USHBP1: variants seen among roughly 807,000 people sequenced by gnomAD.
USHBP1 encodes the protein harmonin-binding protein USHBP1.
In USHBP1, 67 loss-of-function variants were observed where a neutral mutation model predicts 76.2. The observed-to-expected ratio is 0.88, with a 90% CI of 0.72 to 1.08. The LOEUF (loss-of-function observed/expected upper bound fraction) is 1.08, where lower values mean the gene tolerates loss of function less well. Ranked by LOEUF, USHBP1 falls within the 50% of genes least tolerant of loss-of-function variation. The pLI is 0.00. For missense variants in USHBP1, 931 were observed against 915.0 expected (o/e 1.02, Z -0.23); for synonymous variants, 322 against 362.2 (o/e 0.89, Z 1.26).
intron 4 of USHBP1, among the ~76,000 whole-genome samples, chr19:17,260,455 G>A (rs7245888): frequency 0.24 from 36,518 of 152,002 alleles, 5,670 homozygotes; most frequent in African/African-American, 0.43. Flanking sequence ...TCAGCCTCCC[G>A]AGTAGCTGGG....
chr19:17,259,249 C>T (rs141655360), intron 7 of USHBP1, 40 bp downstream of exon 7: 15 of 1,561,900 alleles, frequency 9.6e-6, no homozygotes, highest in East Asian at 2.3e-5. Context: ...AAAGCCCACT[C>T]CCTCCCCAGC....
chr19:17,262,762 A>C lies in USHBP1; in HGVS notation c.432T>G (p.Ser144=). 1 of 1,614,226 alleles carries C rather than the reference A, an allele frequency of 6.2e-7. No homozygotes were observed. The highest frequency in any genetic ancestry group is 1.3e-5 in the African/African-American group (1 of 75,062). The change falls in exon 4 of 13, where the codon TCT becomes TCG. Residue 144 remains serine (S), a synonymous_variant. Transcript: ENST00000252597. ...AAWRHQPPSH[S]GPMEFEGTSE... is the part of the protein sequence containing the mutation. Reference sequence around the variant, plus strand: ...TTGTGCCTTCGAACTCCATCGGCCCAGAATGGCTGGGGGGCTGGTGGCGCC... The same window carrying C: ...TTGTGCCTTCGAACTCCATCGGCCCCGAATGGCTGGGGGGCTGGTGGCGCC...
chr19:17,259,646 G>A lies in USHBP1; in HGVS notation c.855C>T (p.Pro285=). The change falls in exon 6 of 13, where the codon CCC becomes CCT. Residue 285 remains proline, a synonymous_variant. Transcript: ENST00000252597. ...TQILGSLPNQ[P]LSPEMHIMEA... is the part of the protein sequence containing the mutation. ...CCATGATGTGCATCTCAGGACTGAG[G>A]GGCTGGTTGGGAAGAGACCCAAGGA... The A allele has an allele frequency of 1.2e-6, 2 of 1,614,024 alleles. No homozygotes were observed. The highest frequency in any genetic ancestry group is 8.5e-7 in the Non-Finnish European group (1 of 1,179,980).
chr19:17,255,400 C>T lies in USHBP1; in HGVS notation c.1677G>A (p.Glu559=). 6.2e-7 allele frequency: 1 copy of T among 1,613,966 alleles called. No individual in the cohort carries two copies. Among genetic ancestry groups the T allele is most frequent in the Non-Finnish European group, 8.5e-7 (1 of 1,179,874 alleles). Residue 559 remains glutamate (E), a synonymous_variant, in exon 10 of 13, where the codon GAG becomes GAA. Coordinates refer to ENST00000252597, the MANE Select transcript of USHBP1 (RefSeq NM_031941.4). ...GGCAGCTCACCTGATACCACTCTTC[C>T]TCGTCCCCGCTGCTGCCACCTCCGC... The part of the protein sequence containing the change: ...HSSGGGSSGD[E]EEWYQGLPAV...
intron 12 of USHBP1, among the ~76,000 whole-genome samples, chr19:17,251,027 A>G (rs2073544088): frequency 6.7e-6 from 1 of 150,132 alleles, no homozygotes; most frequent in Non-Finnish European, 1.5e-5. Flanking sequence ...CGCCTGGCTA[A>G]TTTTGTATTT....
At chr19:17,264,392 A>T (rs763244055) in intron 1 of USHBP1, 45 bp from the exon 2 acceptor site, 64 of 1,388,602 alleles carry the variant, frequency 4.6e-5, no homozygotes, top group Non-Finnish European at 6.1e-5. Flanking sequence ...GTTGTCCTGG[A>T]CAAAGGACAA....
In USHBP1 at chr19:17,259,598, C is replaced by T; in HGVS notation, c.903G>A (p.Arg301=). The part of the protein sequence containing the change: ...HIMEAQMEQL[R]GSIEKLKCFN... ...AGCTCAGCATTTGAGTCTCTTACCC[C>T]CGGAGTTGCTCCATCTGGGCTTCCA... The change falls in exon 6 of 13, where the codon CGG becomes CGA. Residue 301 remains arginine, a splice_region_variant and synonymous_variant. Transcript: ENST00000252597. 1 of 1,609,448 alleles carries T rather than the reference C, an allele frequency of 6.2e-7. No homozygotes were observed. The highest frequency in any genetic ancestry group is 2.2e-5 in the East Asian group (1 of 44,850).
chr19:17,261,482 C>T lies in USHBP1; in HGVS notation c.642+1070G>A, dbSNP rs566423616. 1.1e-4 allele frequency among the ~76,000 whole-genome samples: 16 copies of T among 150,676 alleles called. No individual in the cohort carries two copies. The South Asian group carries it at 3.1e-3, about 30-fold the overall frequency. ...TCCGGAGTAGCTGGGACTACAGGCA[C>T]CCGCCACCACGCCGGCTAATTTTTT... On this transcript the variant is annotated intron_variant, in intron 4 of 12. Coordinates refer to ENST00000252597, the MANE Select transcript of USHBP1 (RefSeq NM_031941.4).
rs558709062 is a variant in USHBP1 at position 17,250,989 on chromosome 19, T to C, written c.1923-575A>G. ...GATTCTCCTGCCTCAGCCTACCGAG[T>C]AGCTGGGATCACAGGCATGCGCCAC... On this transcript the variant is annotated intron_variant, in intron 12 of 12. Coordinates refer to ENST00000252597, the MANE Select transcript of USHBP1 (RefSeq NM_031941.4). Among the ~76,000 whole-genome samples the C allele has an allele frequency of 3.3e-5, 5 of 152,176 alleles. 1 individual carries two copies. The South Asian group carries it at 1.0e-3, about 32-fold the overall frequency.
In USHBP1 at chr19:17,258,404, G is replaced by C. The variant is rs2073647727; in HGVS notation, c.1047-19C>G. 3.1e-6 allele frequency: 5 copies of C among 1,608,870 alleles called. No individual in the cohort carries two copies. The highest frequency in any genetic ancestry group is 4.2e-6 in the Non-Finnish European group (5 of 1,177,484). ...GTGTTCACTGTGGGACACTGGTTCT[G>C]AGTGCTTCAGGACACTCAGCTCGGC... On this transcript the variant is annotated intron_variant, in intron 7 of 12. Coordinates refer to ENST00000252597, the MANE Select transcript of USHBP1 (RefSeq NM_031941.4).
chr19:17,259,362 A>G lies in USHBP1; in HGVS notation c.973T>C (p.Cys325Arg), dbSNP rs1466614124. ...SAVLQGYKGR[C>R]EGLSMQLGQR... is the part of the protein sequence containing the mutation. ...CCTAGCTGCATGCTGAGGCCTTCAC[A>G]GCGGCCCTTGTATCCCTGTAGCACA... The change falls in exon 7 of 13, where the codon TGT becomes CGT. Residue 325 changes from cysteine (C) to arginine (R), a missense_variant. Physicochemically the swap from Cys to Arg is radical, Grantham distance 180. Transcript: ENST00000252597. 6.2e-7 allele frequency: 1 copy of G among 1,614,048 alleles called. No homozygotes were observed. The highest frequency in any genetic ancestry group is 8.5e-7 in the Non-Finnish European group (1 of 1,180,040).
At chr19:17,261,108 C>T (rs1294418489) in intron 4 of USHBP1, among the ~76,000 whole-genome samples, 3 of 152,108 alleles carry the variant, frequency 2.0e-5, no homozygotes, top group Non-Finnish European at 4.4e-5. Context: ...AGGGCTCTCA[C>T]CTTAATCCAA....
At chr19:17,256,420 G>A (rs773941023) in intron 9 of USHBP1, 51 bp downstream of exon 9, 1 of 1,604,310 alleles carries the variant, frequency 6.2e-7, no homozygotes, top group Admixed American at 1.7e-5. Context: ...CTCAGTAAAG[G>A]ATTTTGTCCC....
intron 10 of USHBP1, 74 bp from the exon 11 acceptor site, chr19:17,252,091 A>C: frequency 1.4e-6 from 2 of 1,394,910 alleles, no homozygotes; most frequent in Non-Finnish European, 2.0e-6. Context: ...TGGACATTGG[A>C]GCTGCCCAGA....
At chr19:17,254,049 A>C (rs1415659813) in intron 10 of USHBP1, among the ~76,000 whole-genome samples, 1 of 151,628 alleles carries the variant, frequency 6.6e-6, no homozygotes, top group Non-Finnish European at 1.5e-5. Flanking sequence ...CTCTACTAAA[A>C]AATACAAAAA....
In USHBP1 at chr19:17,256,695, G is replaced by C. The variant is rs567845003; in HGVS notation, c.1246C>G (p.Pro416Ala). 1.2e-6 allele frequency: 2 copies of C among 1,614,198 alleles called. No individual in the cohort carries two copies. The highest frequency in any genetic ancestry group is 2.2e-5 in the East Asian group (1 of 44,888). ...PSPEGSSVDK[P>A]TPQEVAFQLR... ...TGGAAAGCCACTTCCTGTGGGGTGG[G>C]CTTATCCACACTGCTGCCTTCAGGG... The change falls in exon 9 of 13, where the codon CCC (proline) becomes GCC (alanine). Residue 416 changes from proline (P) to alanine (A), a missense_variant. By Grantham distance (27) the Pro-to-Ala change is conservative. Transcript: ENST00000252597.
intron 7 of USHBP1, 74 bp from the exon 8 acceptor site, chr19:17,258,459 A>C: frequency 6.5e-7 from 1 of 1,534,764 alleles, no homozygotes; most frequent in East Asian, 2.3e-5. Context: ...CTGTAGTCCC[A>C]GCACTTTGGG....
Position 17,251,707 on chromosome 19 carries a change from G to C in USHBP1, c.1800-3C>G. 1 of 1,612,866 alleles carries C rather than the reference G, an allele frequency of 6.2e-7. No homozygotes were observed. The highest frequency in any genetic ancestry group is 1.1e-5 in the South Asian group (1 of 91,082). On this transcript the variant is annotated splice_polypyrimidine_tract_variant and splice_region_variant and intron_variant, in intron 11 of 12. Transcript: ENST00000252597. ...GCTGCTCCTGCAGGTCCAGTGTCCT[G>C]TTGCGAAGGAGAAGAGAGGGGGCTC...
Position 17,249,860 on chromosome 19 carries a change from C to A in USHBP1, c.*365G>T. 1 of 267,266 alleles carries A rather than the reference C, an allele frequency of 3.7e-6. No homozygotes were observed. Among genetic ancestry groups the A allele is most frequent in the Non-Finnish European group, 7.2e-6 (1 of 138,884 alleles). The allele number at this position is 267,266 out of a possible 1,614,324, so 16.6% of individuals were successfully genotyped here. A position where few individuals can be genotyped will look rare whatever the true frequency, so the allele number is the denominator to read the frequency against. On this transcript the variant is annotated 3_prime_UTR_variant, in exon 13 of 13. Transcript: ENST00000252597. Reference sequence around the variant, plus strand: ...CTGCCAGGAGAAGCTCTGTCCAGTCCCCATGAATCCCTCCCTGGGCTTCGG... The same window carrying A: ...CTGCCAGGAGAAGCTCTGTCCAGTCACCATGAATCCCTCCCTGGGCTTCGG...
Sources: gnomAD v4.1 joint callset for allele counts (sites outside exome capture counted in the v4.1 genomes callset) on GRCh38, gnomAD v4.1.1 for gene constraint, MANE v1.5 for transcripts, NCBI Gene and HGNC (gene_info 2026-07-23, HGNC 2026-07-21) for gene names.